Variants in CARD9 observed in about 807,000 individuals in gnomAD.
CARD9 encodes the protein caspase recruitment domain-containing protein 9.
Under a neutral mutation model 66.0 loss-of-function variants are expected in CARD9, and 53 were observed. That is an observed-to-expected ratio of 0.80 (90% CI 0.64 to 1.01). The LOEUF (loss-of-function observed/expected upper bound fraction) is 1.01, where lower values mean the gene tolerates loss of function less well. CARD9 is among the 50% of genes least tolerant of loss of function. CARD9 has a pLI of 0.00. For missense variants in CARD9, 769 were observed against 743.2 expected (o/e 1.03, Z -0.40); for synonymous variants, 387 against 313.8 (o/e 1.23, Z -2.47).
chr9:136,372,152 A>C, intron 1 of CARD9, 58 bp from the exon 2 acceptor site: 2 of 1,590,572 alleles, frequency 1.3e-6, no homozygotes, highest in Non-Finnish European at 1.7e-6. Flanking sequence ...ACCCGGGCCC[A>C]GCTCCCACTC....
At chr9:136,371,272 C>T (rs1028567610) in intron 3 of CARD9, 52 bp downstream of exon 3, 228 of 1,575,244 alleles carry the variant, frequency 1.4e-4, no homozygotes, top group Non-Finnish European at 1.9e-4. Context: ...AACACCACTG[C>T]CCGCTCCCCG....
chr9:136,371,752 A>G, intron 2 of CARD9, 143 bp downstream of exon 2: 2 of 1,374,658 alleles, frequency 1.5e-6, no homozygotes, highest in South Asian at 2.8e-5. Context: ...GCCAGGGTTG[A>G]GGTTGGGCCT....
rs531034711 is a variant in CARD9, at chr9:136,371,294, CCT to C, written c.322+28_322+29del. Reference sequence around the variant, plus strand: ...CTGCCCGCTCCCCGCCAGCGCCTCCCCTGTCGGCCCCGCCTCCCCCGTCACTC... The same window carrying C: ...CTGCCCGCTCCCCGCCAGCGCCTCCCGTCGGCCCCGCCTCCCCCGTCACTC... On this transcript the variant is annotated intron_variant, in intron 3 of 12. Coordinates refer to ENST00000371732, the MANE Select transcript of CARD9 (RefSeq NM_052813.5). 2.4e-4 allele frequency: 381 copies of C among 1,589,594 alleles called. 2 individuals carry two copies. The African/African-American group carries it at 2.5e-3, about 10-fold the overall frequency.
chr9:136,370,017 AC>A, intron 6 of CARD9, 142 bp from the exon 7 acceptor site: 1 of 1,489,740 alleles, frequency 6.7e-7, no homozygotes, highest in Non-Finnish European at 9.0e-7. Context: ...CCAGGCCCCT[AC>A]CAGCCCTGCA....
chr9:136,370,474 G>GC, intron 5 of CARD9, 37 bp from the exon 6 acceptor site: 1 of 1,604,774 alleles, frequency 6.2e-7, no homozygotes, highest in South Asian at 1.1e-5. Context: ...GGCTGGGAAG[G>GC]CCCCCACTGC....
rs112626270 is a variant in CARD9, at chr9:136,369,927, C to T, written c.952-52G>A. On this transcript the variant is annotated intron_variant, in intron 6 of 12. Coordinates refer to ENST00000371732, the MANE Select transcript of CARD9 (RefSeq NM_052813.5). The stretch of plus-strand genomic sequence containing the variant: ...ACAGGCCTGAGGCCCCCCATTCTGG[C>T]CCTTGGGGTATACTCCGGGCAGGGG... 27 of 1,604,800 alleles carry T rather than the reference C, an allele frequency of 1.7e-5. 1 individual carries two copies. The highest frequency in any genetic ancestry group is 1.2e-4 in the African/African-American group (9 of 74,948).
intron 1 of CARD9, 46 bp downstream of exon 1, chr9:136,373,486 C>T (rs1017831318): frequency 2.0e-5 from 20 of 985,376 alleles, no homozygotes; most frequent in African/African-American, 7.0e-5. Flanking sequence ...ACTAGGCCAA[C>T]GCCAACCTTC....
In CARD9 at chr9:136,364,144, C is replaced by T; in HGVS notation, c.*158G>A. The T allele has an allele frequency of 6.4e-7, 1 of 1,550,548 alleles. No individual in the cohort carries two copies. The highest frequency in any genetic ancestry group is 1.2e-5 in the South Asian group (1 of 84,068). ...TGCCGCTTAACAAACGGCCCCAATG[C>T]CCGGCAGTCCGGCTGGGCCTTTCAG... On this transcript the variant is annotated 3_prime_UTR_variant, in exon 13 of 13. Transcript: ENST00000371732.
chr9:136,371,171 G>A (rs1833260594), intron 3 of CARD9, 26 bp from the exon 4 acceptor site: 1 of 1,610,536 alleles, frequency 6.2e-7, no homozygotes, highest in African/African-American at 1.3e-5. Context: ...GTGTCAGATG[G>A]TGCCGTGTTC....
intron 11 of CARD9, 50 bp from the exon 12 acceptor site, chr9:136,364,609 C>A: frequency 6.6e-7 from 1 of 1,511,536 alleles, no homozygotes; most frequent in South Asian, 1.2e-5. Flanking sequence ...TGAGGGAACC[C>A]GTCCTTCTCA....
At chr9:136,365,108 G>A (rs200156483) in intron 11 of CARD9, 33 bp downstream of exon 11, 7 of 1,606,896 alleles carry the variant, frequency 4.4e-6, no homozygotes, top group African/African-American at 1.3e-5. Context: ...TGAGGCCCAC[G>A]GCTGGGAGGA....
chr9:136,369,678 C>T, intron 7 of CARD9, 72 bp downstream of exon 7: 1 of 1,539,918 alleles, frequency 6.5e-7, no homozygotes, highest in Non-Finnish European at 8.7e-7. Context: ...CTGACAACTG[C>T]CCTCAAGGGC....
Position 136,372,010 on chromosome 9 carries a change from C to T in CARD9, c.69G>A (p.Ser23=), listed in dbSNP as rs891969889. The T allele has an allele frequency of 8.7e-6, 14 of 1,612,656 alleles. No homozygotes were observed. The highest frequency in any genetic ancestry group is 1.6e-4 in the Middle Eastern group (1 of 6,082). ...VLEGFRVTLT[S]VIDPSRITPY... The stretch of plus-strand genomic sequence containing the variant: ...GTGTGATGCGTGAGGGGTCGATGAC[C>T]GAGGTGAGCGTCACCCGGAAGCCCT... The change falls in exon 2 of 13, where the codon TCG becomes TCA. Residue 23 remains serine, a synonymous_variant. Coordinates refer to ENST00000371732, the MANE Select transcript of CARD9 (RefSeq NM_052813.5).
intron 10 of CARD9, chr9:136,365,508 A>ACCTC (rs1192801043): frequency 1.9e-6 from 1 of 530,370 alleles, no homozygotes; most frequent in African/African-American, 1.9e-5. Context: ...CGCCTCCCAG[A>ACCTC]CCTCGGGGGA....
Position 136,371,078 on chromosome 9 carries a change from C to T in CARD9, c.390G>A (p.Val130=), listed in dbSNP as rs1200380338. 1.2e-6 allele frequency: 2 copies of T among 1,612,750 alleles called. No homozygotes were observed. The highest frequency in any genetic ancestry group is 2.2e-5 in the South Asian group (2 of 91,018). The change falls in exon 4 of 13, where the codon GTG becomes GTA. Residue 130 remains valine, a synonymous_variant. Coordinates refer to ENST00000371732, the MANE Select transcript of CARD9 (RefSeq NM_052813.5). ...AGCTCAGCAGCGCGGTCAGGTCCTG[C>T]ACCTTCTTCTGCAGCTTCATGACCT... ...MTEVMKLQKK[V]QDLTALLSSK...
At chr9:136,366,462 C>A in intron 10 of CARD9, 1 of 429,940 alleles carries the variant, frequency 2.3e-6, no homozygotes, top group Non-Finnish European at 4.3e-6. Flanking sequence ...GCCTGCTCAC[C>A]TCTGCACCCC....
Position 136,364,075 on chromosome 9 carries a change from G to C in CARD9, c.*227C>G. On this transcript the variant is annotated 3_prime_UTR_variant, in exon 13 of 13. Coordinates refer to ENST00000371732, the MANE Select transcript of CARD9 (RefSeq NM_052813.5). ...GATCCTGAAGTTACACAGATGGCGT[G>C]TGCATGGGGGTGGTGAGCACCCGCA... is the stretch of plus-strand genomic sequence containing the variant. 1.9e-6 allele frequency: 3 copies of C among 1,548,768 alleles called. No homozygotes were observed. The highest frequency in any genetic ancestry group is 1.7e-6 in the Non-Finnish European group (2 of 1,145,326).
chr9:136,371,270 T>G, intron 3 of CARD9, 54 bp downstream of exon 3: 1 of 1,575,364 alleles, frequency 6.3e-7, no homozygotes, highest in South Asian at 1.1e-5. Context: ...CCAACACCAC[T>G]GCCCGCTCCC....
intron 1 of CARD9, among the ~76,000 whole-genome samples, chr9:136,372,572 G>A (rs1175150258): frequency 1.3e-5 from 2 of 152,244 alleles, no homozygotes; most frequent in Non-Finnish European, 2.9e-5. Flanking sequence ...AGCTGGGTGA[G>A]AGCAGGTTGG....
Sources: gnomAD v4.1 joint callset for allele counts (sites outside exome capture counted in the v4.1 genomes callset) on GRCh38, gnomAD v4.1.1 for gene constraint, MANE v1.5 for transcripts, NCBI Gene and HGNC (gene_info 2026-07-23, HGNC 2026-07-21) for gene names.